NXPE2: variants seen among roughly 807,000 people sequenced by gnomAD.
NXPE2 encodes NXPE family member 2.
A neutral mutation model predicts 34.4 loss-of-function variants in NXPE2; 34 were observed. The observed-to-expected ratio is 0.99, with a 90% CI of 0.75 to 1.31. NXPE2 has a LOEUF of 1.31. Among genes scored for constraint, NXPE2 ranks in the 40% most tolerant of loss-of-function variants. The pLI is 0.00. For synonymous variants in NXPE2, 235 were observed against 231.3 expected, an observed-to-expected ratio of 1.02 and a Z score of -0.15; for missense variants, 649 against 672.5, an observed-to-expected ratio of 0.97 and a Z score of 0.39.
At chr11:114,727,773 C>G in the NXPE2 span, among the ~76,000 whole-genome samples, 1 of 33,250 alleles carries the variant, frequency 3.0e-5, no homozygotes, top group African/African-American at 6.8e-5. Context: ...CATGTGTACA[C>G]AACACACACA....
the NXPE2 span, among the ~76,000 whole-genome samples, chr11:114,650,829 G>A: frequency 6.8e-6 from 1 of 147,890 alleles, no homozygotes; most frequent in Non-Finnish European, 1.5e-5. Context: ...ACAAAGGCTG[G>A]ACCCGGAAAA....
At chr11:114,523,011 T>C in the NXPE2 span, 25 of 1,613,566 alleles carry the variant, frequency 1.5e-5, no homozygotes, top group Non-Finnish European at 2.0e-5. Context: ...AATGTTGTTA[T>C]CCATTTTCCT....
At chr11:114,750,016 G>A in the NXPE2 span, among the ~76,000 whole-genome samples, 4 of 152,200 alleles carry the variant, frequency 2.6e-5, no homozygotes, top group South Asian at 8.3e-4. Flanking sequence ...TCCTCCAAGA[G>A]GACATTCTTC....
At chr11:114,501,669 A>T in the NXPE2 span, among the ~76,000 whole-genome samples, 1 of 152,158 alleles carries the variant, frequency 6.6e-6, no homozygotes, top group East Asian at 1.9e-4. Context: ...GGGCTAATGG[A>T]TCAGAAAAGC....
the NXPE2 span, among the ~76,000 whole-genome samples, chr11:114,634,708 T>G: frequency 6.6e-6 from 1 of 152,090 alleles, no homozygotes; most frequent in Non-Finnish European, 1.5e-5. Context: ...CAGCACCATT[T>G]ATTAAATAGG....
At chr11:114,762,433 G>T in the NXPE2 span, among the ~76,000 whole-genome samples, 5 of 152,196 alleles carry the variant, frequency 3.3e-5, no homozygotes, top group African/African-American at 9.7e-5. Flanking sequence ...ACAAATAAGA[G>T]AAAATTAAAA....
the NXPE2 span, among the ~76,000 whole-genome samples, chr11:114,506,534 C>G: frequency 6.6e-6 from 1 of 152,202 alleles, no homozygotes; most frequent in African/African-American, 2.4e-5. Context: ...AAGACAGACT[C>G]TTGGACCACA....
chr11:114,812,987 G>C, the NXPE2 span, among the ~76,000 whole-genome samples: 1 of 152,142 alleles, frequency 6.6e-6, no homozygotes, highest in African/African-American at 2.4e-5. Context: ...CCTGGGGAGA[G>C]AGGCCGGCAG....
the NXPE2 span, among the ~76,000 whole-genome samples, chr11:114,601,371 C>T: frequency 2.3e-4 from 33 of 145,136 alleles, no homozygotes; most frequent in African/African-American, 8.4e-4. Flanking sequence ...AGTTATGTCA[C>T]TTAGGATAAT....
At chr11:114,717,167 C>G in the NXPE2 span, among the ~76,000 whole-genome samples, 1 of 152,126 alleles carries the variant, frequency 6.6e-6, no homozygotes, top group African/African-American at 2.4e-5. Context: ...TAATTTAACT[C>G]TTCTTGGCTC....
chr11:114,597,223 T>C, the NXPE2 span, among the ~76,000 whole-genome samples: 1 of 151,878 alleles, frequency 6.6e-6, no homozygotes, highest in Non-Finnish European at 1.5e-5. Flanking sequence ...TTAAATGAAA[T>C]AATAAAAAAT....
At chr11:114,725,442 C>A in the NXPE2 span, among the ~76,000 whole-genome samples, 2 of 152,076 alleles carry the variant, frequency 1.3e-5, no homozygotes, top group Non-Finnish European at 2.9e-5. Context: ...GCCCAACACA[C>A]TCAATAGCTG....
At chr11:114,538,535 T>C in the NXPE2 span, among the ~76,000 whole-genome samples, 9 of 152,034 alleles carry the variant, frequency 5.9e-5, no homozygotes, top group Non-Finnish European at 8.8e-5. Flanking sequence ...ACTCATCTGA[T>C]AAAGGGCTAA....
chr11:114,483,456 A>G, the NXPE2 span, among the ~76,000 whole-genome samples: 1 of 152,236 alleles, frequency 6.6e-6, no homozygotes, highest in Non-Finnish European at 1.5e-5. Context: ...AAGGATAATG[A>G]TAGCACCTGC....
intron 3 of NXPE2, among the ~76,000 whole-genome samples, chr11:114,702,064 G>A (rs1281713621): frequency 6.6e-6 from 1 of 152,054 alleles, no homozygotes; most frequent in Non-Finnish European, 1.5e-5. Context: ...TACTTCCTAG[G>A]ATATTTATTT....
the NXPE2 span, among the ~76,000 whole-genome samples, chr11:114,564,922 T>C: frequency 0.21 from 32,397 of 152,078 alleles, 4,648 homozygotes; most frequent in African/African-American, 0.4. Context: ...AGATTATCTC[T>C]CTAGTTGGAT....
chr11:114,796,907 A>T, the NXPE2 span, among the ~76,000 whole-genome samples: 1 of 152,256 alleles, frequency 6.6e-6, no homozygotes, highest in Non-Finnish European at 1.5e-5. Flanking sequence ...TTCCAGGCAG[A>T]TGGAAAAGTA....
the NXPE2 span, among the ~76,000 whole-genome samples, chr11:114,510,872 T>G: frequency 6.6e-6 from 1 of 152,038 alleles, no homozygotes; most frequent in East Asian, 1.9e-4. Flanking sequence ...AATTTATACA[T>G]TTTTTGGGCA....
chr11:114,602,960 C>T, the NXPE2 span, among the ~76,000 whole-genome samples: 2 of 149,318 alleles, frequency 1.3e-5, no homozygotes, highest in Admixed American at 1.3e-4. Flanking sequence ...ATCTCATATA[C>T]AATTACAGAA....
Sources: gnomAD v4.1 joint callset for allele counts (sites outside exome capture counted in the v4.1 genomes callset) on GRCh38, gnomAD v4.1.1 for gene constraint, MANE v1.5 for transcripts, NCBI Gene and HGNC (gene_info 2026-07-23, HGNC 2026-07-21) for gene names.